The following CARMIL1 variants were observed in gnomAD, a reference collection of about 807,000 sequenced individuals.
The protein encoded by CARMIL1 is F-actin-uncapping protein LRRC16A.
CARMIL1 carries 90 observed loss-of-function variants against 177.1 expected under a neutral mutation model. That is an observed-to-expected ratio of 0.51 (90% confidence interval 0.43 to 0.61). The LOEUF (loss-of-function observed/expected upper bound fraction) is 0.61. Ranked by LOEUF, CARMIL1 falls within the 20% of genes least tolerant of loss-of-function variation. CARMIL1 has a pLI of 0.00. For synonymous variants in CARMIL1, 577 were observed against 606.2 expected (o/e 0.95, Z 0.71); for missense variants, 1,380 against 1,667.0 (o/e 0.83, Z 3.00).
chr6:25,579,285 C>T (rs1209045294), intron 29 of CARMIL1, among the ~76,000 whole-genome samples: 3 of 148,636 alleles, frequency 2.0e-5, no homozygotes, highest in African/African-American at 7.4e-5. Context: ...CATCTTCAGT[C>T]CATGCATTTT....
intron 2 of CARMIL1, among the ~76,000 whole-genome samples, chr6:25,356,167 C>T (rs1788590362): frequency 6.6e-6 from 1 of 152,084 alleles, no homozygotes; most frequent in Non-Finnish European, 1.5e-5. Flanking sequence ...ACGCCATTCT[C>T]CTGCCTCAGC....
At chr6:25,613,623 A>G (rs1290105562) in intron 36 of CARMIL1, among the ~76,000 whole-genome samples, 1 of 152,038 alleles carries the variant, frequency 6.6e-6, no homozygotes, top group African/African-American at 2.4e-5. Flanking sequence ...GCTGACTCAG[A>G]GAAAAAAATG....
At position 25,420,136 on chromosome 6, in the gene CARMIL1, T is replaced by G; in HGVS notation, c.161T>G (p.Phe54Cys). Residue 54 changes from phenylalanine to cysteine, a missense_variant, in exon 3 of 37, where the codon TTC becomes TGC. Coordinates refer to ENST00000329474, the MANE Select transcript of CARMIL1 (RefSeq NM_017640.6). ...CAGGTCCTTACATCATGCCGAGCCT[T>G]CCTTGTAACAGCGCGAATCCCCACC... ...KVLVLTSCRAFLVTARIPTKL... is the reference protein window; with the variant it reads ...KVLVLTSCRACLVTARIPTKL... 2 of 1,613,592 alleles carry G rather than the reference T, an allele frequency of 1.2e-6. No homozygotes were observed. The highest frequency in any genetic ancestry group is 1.7e-6 in the Non-Finnish European group (2 of 1,179,582).
Position 25,558,189 on chromosome 6 carries a change from CAAAT to C in CARMIL1, c.2742+1342_2742+1345del, listed in dbSNP as rs1313113575. ...CTCTTAGACTAGCCCTAAAAGAAAA[CAAAT>C]AATAAGAAATAGATTTGAATTAAAA... On this transcript the variant is annotated intron_variant, in intron 29 of 36. Transcript: ENST00000329474. This position sits in a 1 kb window ranked among gnomAD's most constrained non-coding sequence, Gnocchi z 4.1. 6.6e-6 allele frequency among the ~76,000 whole-genome samples: 1 copy of C among 152,030 alleles called. No individual in the cohort carries two copies. The highest frequency in any genetic ancestry group is 2.4e-5 in the African/African-American group (1 of 41,396).
At chr6:25,572,896 C>T (rs375134887) in intron 29 of CARMIL1, among the ~76,000 whole-genome samples, 49 of 152,034 alleles carry the variant, frequency 3.2e-4, no homozygotes, top group African/African-American at 1.1e-3. Context: ...GCCTAAATGC[C>T]CTTTTTGGTA....
intron 2 of CARMIL1, among the ~76,000 whole-genome samples, chr6:25,349,867 T>C (rs1787935987): frequency 6.6e-6 from 1 of 152,052 alleles, no homozygotes; most frequent in Admixed American, 6.6e-5. Flanking sequence ...TAGCTGGGAT[T>C]ACAGGCACAT....
chr6:25,355,172 A>C (rs1359611624), intron 2 of CARMIL1, among the ~76,000 whole-genome samples: 2 of 152,344 alleles, frequency 1.3e-5, no homozygotes, highest in South Asian at 4.1e-4. Flanking sequence ...CTTTAGAGTC[A>C]ACATAAATAT....
At chr6:25,442,652 T>C (rs1325390876) in intron 5 of CARMIL1, among the ~76,000 whole-genome samples, 1 of 152,172 alleles carries the variant, frequency 6.6e-6, no homozygotes, top group Non-Finnish European at 1.5e-5. Context: ...TCTGGAAATT[T>C]AGTTTTTACA....
At chr6:25,521,160 G>A (rs1806512165) in intron 23 of CARMIL1, among the ~76,000 whole-genome samples, 1 of 152,074 alleles carries the variant, frequency 6.6e-6, no homozygotes, top group African/African-American at 2.4e-5. Flanking sequence ...TCTCTGGTGT[G>A]TGCTGAATGT....
intron 4 of CARMIL1, among the ~76,000 whole-genome samples, chr6:25,434,944 G>A (rs1797101775): frequency 6.6e-6 from 1 of 152,072 alleles, no homozygotes; most frequent in African/African-American, 2.4e-5. Context: ...TCTTTAAAAT[G>A]TGTGTGTGTG....
intron 32 of CARMIL1, among the ~76,000 whole-genome samples, chr6:25,596,000 T>C (rs1383717106): frequency 1.3e-5 from 2 of 152,180 alleles, no homozygotes; most frequent in African/African-American, 4.8e-5. Context: ...CAGATACTAT[T>C]GTTTGCTCTT....
chr6:25,417,599 A>G (rs1413787486), intron 2 of CARMIL1, among the ~76,000 whole-genome samples: 1 of 152,114 alleles, frequency 6.6e-6, no homozygotes, highest in Non-Finnish European at 1.5e-5. Context: ...ATCCCTTCCT[A>G]CCTTCACGGT....
At chr6:25,459,278 T>TCTTTCTTTTCTTTCTTTC (rs1193571469) in intron 8 of CARMIL1, among the ~76,000 whole-genome samples, 1 of 41,980 alleles carries the variant, frequency 2.4e-5, no homozygotes, top group Admixed American at 2.8e-4. Flanking sequence ...TTTTTTTTTT[T>TCTTTCTTTTCTTTCTTTC]TTAAGACAGG....
intron 2 of CARMIL1, among the ~76,000 whole-genome samples, chr6:25,384,418 T>A (rs56146948): frequency 0.031 from 4,730 of 152,314 alleles, 97 homozygotes; most frequent in Middle Eastern, 0.11. Context: ...TATATAGTAG[T>A]TTCTGTAGTA....
chr6:25,311,200 A>T (rs75315538), intron 2 of CARMIL1, among the ~76,000 whole-genome samples: 5 of 152,156 alleles, frequency 3.3e-5, no homozygotes, highest in African/African-American at 1.2e-4. Flanking sequence ...AACAAAACAC[A>T]AAAAAAACCA....
chr6:25,402,270 A>T (rs182445965), intron 2 of CARMIL1, among the ~76,000 whole-genome samples: 1 of 152,162 alleles, frequency 6.6e-6, no homozygotes, highest in African/African-American at 2.4e-5. Context: ...CTTTATTTTT[A>T]TGTGACATTT....
At chr6:25,331,170 C>T (rs970638084) in intron 2 of CARMIL1, among the ~76,000 whole-genome samples, 6 of 152,144 alleles carry the variant, frequency 3.9e-5, no homozygotes, top group African/African-American at 1.4e-4. Context: ...CTCTAAGCCT[C>T]CTTCCAGCCT....
chr6:25,556,972 GACAA>G, intron 29 of CARMIL1, 122 bp downstream of exon 29: 4 of 1,024,344 alleles, frequency 3.9e-6, no homozygotes. Flanking sequence ...CCCACCCTCA[GACAA>G]TTCTTTCAGA....
chr6:25,408,930 T>G lies in CARMIL1; in HGVS notation c.139-11184T>G, dbSNP rs909879423. Among the ~76,000 whole-genome samples, 3 of 152,340 alleles carry G rather than the reference T, an allele frequency of 2.0e-5. No homozygotes were observed. In the East Asian group the frequency reaches 5.8e-4, roughly 29 times the overall value. The stretch of plus-strand genomic sequence containing the variant: ...CAGTACTTGTAGGCTTTTTACATGT[T>G]ACCCCTTTAATCCCCACAACTGTCC... On this transcript the variant is annotated intron_variant, in intron 2 of 36. Transcript: ENST00000329474.
Sources: gnomAD v4.1 joint callset for allele counts (sites outside exome capture counted in the v4.1 genomes callset) on GRCh38, gnomAD v4.1.1 for gene constraint, Gnocchi (gnomAD v3.1) non-coding constraint, MANE v1.5 for transcripts, NCBI Gene and HGNC (gene_info 2026-07-23, HGNC 2026-07-21) for gene names.